Variants in SLC9A9 observed in about 807,000 individuals in gnomAD.
SLC9A9 encodes the protein solute carrier family 9 member A9, also known as sodium/hydrogen exchanger 9.
Under a neutral mutation model 77.8 loss-of-function variants are expected in SLC9A9, and 62 were observed. That is an observed-to-expected ratio of 0.80 (90% CI 0.65 to 0.98). The LOEUF is 0.98. Among genes scored for constraint, SLC9A9 ranks in the 50% least tolerant of loss-of-function variants. The pLI, the probability that SLC9A9 is intolerant of heterozygous loss-of-function variation, is 0.00. For synonymous variants in SLC9A9, 320 were observed against 283.5 expected (o/e 1.13, Z -1.29); for missense variants, 775 against 774.9 (o/e 1.00, Z 0.00).
At chr3:143,626,856 T>C (rs1576620121) in intron 6 of SLC9A9, 2 of 151,036 alleles carry the variant, frequency 1.3e-5, no homozygotes, top group Admixed American at 1.3e-4. Flanking sequence ...GGGTTGAATT[T>C]TGGGAGACTG....
chr3:143,586,013 C>T (rs550309478), intron 6 of SLC9A9, among the ~76,000 whole-genome samples: 28 of 152,204 alleles, frequency 1.8e-4, no homozygotes, highest in Non-Finnish European at 3.1e-4. Context: ...ACTCCCCTTC[C>T]CCTTGGCTTA....
At chr3:143,344,756 C>T (rs918248006) in intron 14 of SLC9A9, among the ~76,000 whole-genome samples, 1 of 152,090 alleles carries the variant, frequency 6.6e-6, no homozygotes, top group African/African-American at 2.4e-5. Flanking sequence ...AAAATGTTTC[C>T]TGGCATGTAA....
intron 12 of SLC9A9, among the ~76,000 whole-genome samples, chr3:143,382,923 G>C (rs1000248842): frequency 6.6e-6 from 1 of 152,204 alleles, no homozygotes; most frequent in African/African-American, 2.4e-5. Context: ...ATTGTTGATA[G>C]TTGGAAGGCA....
At chr3:143,385,762 A>C (rs976418231) in intron 12 of SLC9A9, among the ~76,000 whole-genome samples, 1 of 152,190 alleles carries the variant, frequency 6.6e-6, no homozygotes, top group Admixed American at 6.5e-5. Context: ...ATGAAGTCCA[A>C]CCTCCTTAGG....
At chr3:143,279,908 C>T (rs1938165352) in intron 14 of SLC9A9, among the ~76,000 whole-genome samples, 1 of 152,190 alleles carries the variant, frequency 6.6e-6, no homozygotes, top group Non-Finnish European at 1.5e-5. Flanking sequence ...CAGCCTCGAC[C>T]TCCTGAGCTC....
chr3:143,350,690 G>A (rs1371493225), intron 14 of SLC9A9, among the ~76,000 whole-genome samples: 6 of 152,092 alleles, frequency 3.9e-5, no homozygotes, highest in Non-Finnish European at 1.5e-5. Context: ...TTACTTTGTG[G>A]GGCAAATATG....
chr3:143,279,193 TG>T (rs1206343108), intron 14 of SLC9A9, among the ~76,000 whole-genome samples: 9 of 152,204 alleles, frequency 5.9e-5, no homozygotes, highest in African/African-American at 2.2e-4. Context: ...GGAAAAATAT[TG>T]CCAAGTTTTT....
intron 11 of SLC9A9, among the ~76,000 whole-genome samples, chr3:143,482,088 A>G (rs1234972262): frequency 6.6e-6 from 1 of 152,224 alleles, no homozygotes; most frequent in African/African-American, 2.4e-5. Flanking sequence ...GTGCTTCTAT[A>G]GAACACTGGG....
intron 13 of SLC9A9, chr3:143,372,068 G>T: frequency 6.0e-6 from 2 of 333,656 alleles, no homozygotes; most frequent in Non-Finnish European, 5.9e-6. Context: ...AGAAATCATA[G>T]ATCCAAATAA....
At chr3:143,703,073 CA>C (rs35973936) in intron 4 of SLC9A9, among the ~76,000 whole-genome samples, 80,944 of 151,712 alleles carry the variant, frequency 0.53, 21,991 homozygotes, top group Non-Finnish European at 0.57. Context: ...ATATATAAAG[CA>C]AAAAATTTTC....
chr3:143,836,293 C>A (rs2009565374), intron 1 of SLC9A9, among the ~76,000 whole-genome samples: 1 of 152,186 alleles, frequency 6.6e-6, no homozygotes, highest in Non-Finnish European at 1.5e-5. Context: ...TGGCTTTTCT[C>A]CTCAACCAGA....
chr3:143,655,215 C>T (rs918501802), intron 5 of SLC9A9, among the ~76,000 whole-genome samples: 3 of 152,196 alleles, frequency 2.0e-5, no homozygotes, highest in Non-Finnish European at 2.9e-5. Context: ...CAATCTTACA[C>T]GCAATGTCCA....
rs1374234249 is a variant in SLC9A9, at chr3:143,795,072, G to A, written c.462C>T (p.His154=). 1 of 1,612,928 alleles carries A rather than the reference G, an allele frequency of 6.2e-7. No homozygotes were observed. The highest frequency in any genetic ancestry group is 8.5e-7 in the Non-Finnish European group (1 of 1,179,452). Residue 154 remains histidine (H), a synonymous_variant, in exon 4 of 16, where the codon CAC becomes CAT. Coordinates refer to ENST00000316549, the MANE Select transcript of SLC9A9 (RefSeq NM_173653.4). The part of the protein sequence containing the change: ...FHAGYSLKKR[H]FFQNLGSILT... ...AAATAGATCCTAAGTTTTGAAAAAA[G>A]TGTCTCTGGGGAGAAAAAAAGATAT...
intron 12 of SLC9A9, among the ~76,000 whole-genome samples, chr3:143,464,629 G>A (rs2035253531): frequency 6.6e-6 from 1 of 152,134 alleles, no homozygotes; most frequent in Admixed American, 6.5e-5. Context: ...ATCTCCACTA[G>A]CGGTAGGAAG....
chr3:143,292,411 A>T (rs970039156), intron 14 of SLC9A9, among the ~76,000 whole-genome samples: 11 of 152,194 alleles, frequency 7.2e-5, no homozygotes, highest in African/African-American at 2.7e-4. Context: ...TAAATTGAGT[A>T]TCAGAAGAGT....
intron 12 of SLC9A9, among the ~76,000 whole-genome samples, chr3:143,432,884 C>G (rs1033828516): frequency 6.6e-6 from 1 of 152,236 alleles, no homozygotes; most frequent in Non-Finnish European, 1.5e-5. Flanking sequence ...CCTTGGCCTT[C>G]CAAAGTGCTG....
intron 4 of SLC9A9, among the ~76,000 whole-genome samples, chr3:143,748,224 C>T (rs1481985238): frequency 6.6e-6 from 1 of 152,174 alleles, no homozygotes; most frequent in African/African-American, 2.4e-5. Context: ...GATATTCAGG[C>T]CCATGATATG....
At chr3:143,592,378 A>G (rs899656717) in intron 6 of SLC9A9, among the ~76,000 whole-genome samples, 1 of 152,176 alleles carries the variant, frequency 6.6e-6, no homozygotes, top group African/African-American at 2.4e-5. Context: ...GTGACAGAGC[A>G]AGACCCTGTC....
chr3:143,720,842 G>T (rs762748824), intron 4 of SLC9A9, among the ~76,000 whole-genome samples: 3 of 143,642 alleles, frequency 2.1e-5, no homozygotes, highest in South Asian at 2.1e-4. Flanking sequence ...TGGCTGTCTA[G>T]GGATGGGAAT....
Sources: allele counts gnomAD v4.1 joint callset (sites outside exome capture counted in the v4.1 genomes callset), GRCh38; gene constraint gnomAD v4.1.1; transcripts MANE v1.5; gene names NCBI Gene and HGNC (gene_info 2026-07-23, HGNC 2026-07-21).